The following GRIP1 variants were observed in gnomAD, a reference collection of about 807,000 sequenced individuals.
GRIP1 encodes glutamate receptor-interacting protein 1.
GRIP1 carries 45 observed loss-of-function variants against 129.9 expected under a neutral mutation model. The ratio of observed to expected loss-of-function variants is 0.35; its 90% CI spans 0.27 to 0.44. The LOEUF is 0.44. Among genes scored for constraint, GRIP1 ranks in the 20% least tolerant of loss-of-function variants. The probability of loss-of-function intolerance (pLI) is 1.00; values close to 1 mark genes in which losing one functional copy is unlikely to be tolerated. For synonymous variants in GRIP1, 530 were observed against 520.8 expected (o/e 1.02, Z -0.24); for missense variants, 1,196 against 1,396.8 (o/e 0.86, Z 2.29).
chr12:66,358,709 G>A (rs2137135622), intron 23 of GRIP1, among the ~76,000 whole-genome samples: 1 of 152,136 alleles, frequency 6.6e-6, no homozygotes, highest in African/African-American at 2.4e-5. Flanking sequence ...TCCTGCCATG[G>A]CCTCCTAAAT....
intron 15 of GRIP1, among the ~76,000 whole-genome samples, chr12:66,417,646 A>C (rs905363764): frequency 6.6e-6 from 1 of 152,222 alleles, no homozygotes; most frequent in African/African-American, 2.4e-5. Context: ...ATATGCCAAC[A>C]GTGAACAATC....
chr12:66,515,633 T>A lies in GRIP1; in HGVS notation c.710A>T (p.Asp237Val). 6.2e-7 allele frequency: 1 copy of A among 1,613,376 alleles called. No individual in the cohort carries two copies. Among genetic ancestry groups the A allele is most frequent in the Non-Finnish European group, 8.5e-7 (1 of 1,179,342 alleles). Residue 237 changes from aspartate (D) to valine (V), a missense_variant, in exon 7 of 25, where the codon GAT becomes GTT. Transcript: ENST00000359742. ...CCCCAACATACCCATTACTGAGACA[T>A]CATATTCTATCAGCAGTGCTGCTTC... ...GQEAALLIEY[D>V]VSVMDSVATA...
intron 14 of GRIP1, among the ~76,000 whole-genome samples, chr12:66,428,078 G>T (rs143162675): frequency 6.6e-6 from 1 of 152,046 alleles, no homozygotes; most frequent in South Asian, 2.1e-4. Flanking sequence ...ACTTTCTCTC[G>T]CTGAAAATCC....
chr12:66,444,222 C>T (rs182864379), intron 13 of GRIP1, among the ~76,000 whole-genome samples: 14 of 151,910 alleles, frequency 9.2e-5, no homozygotes, highest in Non-Finnish European at 1.5e-5. Flanking sequence ...CGCGGTGGCT[C>T]ACGCCTGTAA....
At chr12:66,670,362 G>C (rs1010054865) in intron 1 of GRIP1, among the ~76,000 whole-genome samples, 1 of 152,148 alleles carries the variant, frequency 6.6e-6, no homozygotes, top group Non-Finnish European at 1.5e-5. Context: ...CATCCCCATG[G>C]AACATTCCTT....
intron 1 of GRIP1, among the ~76,000 whole-genome samples, chr12:66,603,705 T>C (rs533476073): frequency 2.0e-5 from 3 of 152,234 alleles, no homozygotes; most frequent in Non-Finnish European, 4.4e-5. Context: ...TCCCCAGGCC[T>C]GCAATGATCA....
chr12:66,527,778 G>A (rs146482600), intron 5 of GRIP1, among the ~76,000 whole-genome samples: 112 of 152,222 alleles, frequency 7.4e-4, no homozygotes, highest in African/African-American at 2.6e-3. Flanking sequence ...ACACAAAGAA[G>A]GGAACAACAG....
chr12:66,566,852 T>G, intron 2 of GRIP1, among the ~76,000 whole-genome samples: 1 of 152,322 alleles, frequency 6.6e-6, no homozygotes, highest in South Asian at 2.1e-4. Context: ...CTTCCTAGTT[T>G]AGTCTTGGGA....
chr12:67,065,264 A>G (rs1592535391), intron 1 of GRIP1: 1 of 152,202 alleles, frequency 6.6e-6, no homozygotes, highest in African/African-American at 2.4e-5. Context: ...TCTTGAGCCC[A>G]GGAGGTAGAG....
At chr12:67,007,663 A>C (rs2135705426) in intron 1 of GRIP1, among the ~76,000 whole-genome samples, 1 of 152,172 alleles carries the variant, frequency 6.6e-6, no homozygotes, top group East Asian at 1.9e-4. Context: ...TGTTACTATT[A>C]TCAGTCATAT....
intron 1 of GRIP1, among the ~76,000 whole-genome samples, chr12:67,021,933 C>G (rs1362724900): frequency 6.6e-6 from 1 of 152,112 alleles, no homozygotes. Flanking sequence ...GCTTATTTCA[C>G]TCAACATGAT....
rs547630921 is a variant in GRIP1 at position 66,484,178 on chromosome 12, A to G, written c.725-18756T>C. On this transcript the variant is annotated intron_variant, in intron 7 of 24. Transcript: ENST00000359742. The stretch of plus-strand genomic sequence containing the variant: ...CCGGCCCATTATCCTAACTTCTAAC[A>G]GGATAAGTTAGCTTTGCTTACTGTT... Among the ~76,000 whole-genome samples, 10 of 152,306 alleles carry G rather than the reference A, an allele frequency of 6.6e-5. No individual in the cohort carries two copies. In the South Asian group the frequency reaches 1.9e-3, roughly 28 times the overall value.
chr12:66,804,748 CAT>C (rs1442091720), upstream of GRIP1, among the ~76,000 whole-genome samples: 1 of 152,208 alleles, frequency 6.6e-6, no homozygotes, highest in Non-Finnish European at 1.5e-5. Context: ...TATCTCAAAA[CAT>C]GTGCTTGGGA....
intron 1 of GRIP1, among the ~76,000 whole-genome samples, chr12:67,018,394 C>G (rs1039829443): frequency 9.9e-5 from 15 of 152,192 alleles, no homozygotes; most frequent in African/African-American, 3.6e-4. Context: ...GCACCTTTAG[C>G]AATCTGTTAG....
intron 11 of GRIP1, among the ~76,000 whole-genome samples, chr12:66,448,644 G>A (rs2058696269): frequency 6.6e-6 from 1 of 151,710 alleles, no homozygotes; most frequent in South Asian, 2.1e-4. Context: ...TCCACAAACT[G>A]TCTCATTGGC....
chr12:67,045,283 G>A (rs915531274), intron 1 of GRIP1, among the ~76,000 whole-genome samples: 8 of 152,150 alleles, frequency 5.3e-5, no homozygotes, highest in African/African-American at 1.9e-4. Context: ...TAGGGATAAG[G>A]ACAGGAAGGG....
chr12:66,710,479 T>C (rs577625322), intron 1 of GRIP1, among the ~76,000 whole-genome samples: 11 of 152,096 alleles, frequency 7.2e-5, no homozygotes, highest in Non-Finnish European at 1.3e-4. Context: ...AGTTAATATT[T>C]ATTTGCTAAA....
At chr12:66,889,867 T>A (rs780797619) in intron 1 of GRIP1, among the ~76,000 whole-genome samples, 5 of 152,214 alleles carry the variant, frequency 3.3e-5, no homozygotes, top group Non-Finnish European at 5.9e-5. Context: ...CTATTTTACA[T>A]ATATGGCCTT....
In GRIP1 at chr12:66,380,563, T is replaced by C. The variant is rs115780717; in HGVS notation, c.2465-1127A>G. ...GCAATTATGTTACATAATGGACACT[T>C]TCCACAAAAGTATTTCCAAGCTGTA... On this transcript the variant is annotated intron_variant, in intron 19 of 24. Transcript: ENST00000359742. 3.9e-3 allele frequency among the ~76,000 whole-genome samples: 594 copies of C among 152,358 alleles called. 10 individuals carry two copies. The highest frequency in any genetic ancestry group is 0.014 in the African/African-American group (581 of 41,582).
Sources: allele counts gnomAD v4.1 joint callset (sites outside exome capture counted in the v4.1 genomes callset), GRCh38; gene constraint gnomAD v4.1.1; transcripts MANE v1.5; gene names NCBI Gene and HGNC (gene_info 2026-07-23, HGNC 2026-07-21).